Variants in DIXDC1 observed in about 807,000 individuals in gnomAD.
The protein encoded by DIXDC1 is DIX domain containing 1.
A neutral mutation model predicts 103.1 loss-of-function variants in DIXDC1; 64 were observed. The ratio of observed to expected loss-of-function variants is 0.62; its 90% CI spans 0.51 to 0.76. The LOEUF is 0.76. Among genes scored for constraint, DIXDC1 ranks in the 30% least tolerant of loss-of-function variants. DIXDC1 has a pLI of 0.00. For missense variants in DIXDC1, 759 were observed against 834.2 expected (o/e 0.91, Z 1.11); for synonymous variants, 266 against 298.5 (o/e 0.89, Z 1.12).
At chr11:111,974,735 G>A in intron 4 of DIXDC1, 141 bp from the exon 5 acceptor site, 3 of 1,438,620 alleles carry the variant, frequency 2.1e-6, no homozygotes, top group Non-Finnish European at 2.8e-6. Context: ...TCCCTGCTAG[G>A]TACCAAGTGT....
chr11:111,986,865 A>G lies in DIXDC1; in HGVS notation c.1009-6A>G, dbSNP rs781873928. 6.4e-7 allele frequency: 1 copy of G among 1,564,846 alleles called. No individual in the cohort carries two copies. The highest frequency in any genetic ancestry group is 8.7e-7 in the Non-Finnish European group (1 of 1,153,580). On this transcript the variant is annotated splice_region_variant and splice_polypyrimidine_tract_variant and intron_variant, in intron 8 of 19. Transcript: ENST00000440460. ...GCTTAGCCATCTCTGTTTGTCTTAT[A>G]TTCAGATTATAATCCAAAGTCGTCT...
At chr11:111,984,288 G>A (rs1203695645) in intron 7 of DIXDC1, among the ~76,000 whole-genome samples, 1 of 152,180 alleles carries the variant, frequency 6.6e-6, no homozygotes, top group East Asian at 1.9e-4. Flanking sequence ...GGCCACACCT[G>A]TAACCCCAGC....
At chr11:111,943,875 T>G (rs79397517) in intron 1 of DIXDC1, among the ~76,000 whole-genome samples, 1 of 152,114 alleles carries the variant, frequency 6.6e-6, no homozygotes, top group Non-Finnish European at 1.5e-5. Context: ...AAAGAAAAAC[T>G]ATGGGTAAGG....
chr11:111,932,601 AAG>A (rs1966064575), upstream of DIXDC1, among the ~76,000 whole-genome samples: 6 of 151,812 alleles, frequency 4.0e-5, no homozygotes, highest in South Asian at 1.2e-3. Flanking sequence ...AAAAAAAAAA[AAG>A]AAAAAATCAT....
rs782433813 is a variant in DIXDC1 at position 111,976,513 on chromosome 11, G to A, written c.656+1530G>A. Among the ~76,000 whole-genome samples the A allele has an allele frequency of 4.4e-4, 67 of 152,164 alleles. No homozygotes were observed. The highest frequency in any genetic ancestry group is 3.4e-4 in the Non-Finnish European group (23 of 68,030). On this transcript the variant is annotated intron_variant, in intron 5 of 19. Coordinates refer to ENST00000440460, the MANE Select transcript of DIXDC1 (RefSeq NM_001037954.4). The surrounding 1 kb of genome is among the most constrained non-coding windows in gnomAD (Gnocchi z 4.3). ...CTCATCCAGCTCTTTGGCATGCTGGGTTAGTAGCTGCCTTTTCCTCAGTGA... is the reference window on the plus strand; with the variant it reads ...CTCATCCAGCTCTTTGGCATGCTGGATTAGTAGCTGCCTTTTCCTCAGTGA...
chr11:111,992,581 G>C, intron 11 of DIXDC1, 62 bp downstream of exon 11: 2 of 1,401,610 alleles, frequency 1.4e-6, no homozygotes, highest in Non-Finnish European at 2.0e-6. Flanking sequence ...GCTACTGCAC[G>C]AAGAACTATT....
chr11:111,951,389 C>A (rs1966798961), intron 1 of DIXDC1, among the ~76,000 whole-genome samples: 1 of 151,772 alleles, frequency 6.6e-6, no homozygotes, highest in African/African-American at 2.4e-5. Context: ...TGAAGGAAAA[C>A]CCATAAATAT....
At chr11:112,018,016 G>T (rs1861649996) in intron 19 of DIXDC1, 131 bp downstream of exon 19, 1 of 622,488 alleles carries the variant, frequency 1.6e-6, no homozygotes, top group East Asian at 3.0e-5. Context: ...CAGAGCCTCA[G>T]ACCATGGTCT....
At chr11:111,933,424 C>T (rs892936968), upstream of DIXDC1, among the ~76,000 whole-genome samples, 4 of 151,960 alleles carry the variant, frequency 2.6e-5, no homozygotes, top group Admixed American at 1.3e-4. Context: ...CGTGAGCCAC[C>T]GCTCCCGGAC....
intron 1 of DIXDC1, among the ~76,000 whole-genome samples, chr11:111,951,892 G>A (rs1486640787): frequency 6.8e-6 from 1 of 146,712 alleles, no homozygotes; most frequent in African/African-American, 2.5e-5. Context: ...TTGTGATGGA[G>A]TCTCACTCTG....
chr11:111,994,963 C>G, intron 14 of DIXDC1, 56 bp from the exon 15 acceptor site: 1 of 1,491,462 alleles, frequency 6.7e-7, no homozygotes, highest in East Asian at 2.3e-5. Context: ...AATAAGATAG[C>G]ACATCTGGTT....
chr11:111,986,826 T>C, intron 8 of DIXDC1, 45 bp from the exon 9 acceptor site: 1 of 1,536,788 alleles, frequency 6.5e-7, no homozygotes. Flanking sequence ...GGCTCTGTAC[T>C]TCACAGCATA....
At position 111,982,549 on chromosome 11, in the gene DIXDC1, A is replaced by G. The variant is rs1317501004; in HGVS notation, c.918+62A>G. The G allele has an allele frequency of 2.6e-6, 4 of 1,540,322 alleles. No homozygotes were observed. The East Asian group carries it at 9.2e-5, about 35-fold the overall frequency. On this transcript the variant is annotated intron_variant, in intron 7 of 19. Transcript: ENST00000440460. ...AATTGATTATTAAGTCAGTATTATC[A>G]ATGGAAAATAAACTGATTTTAGTTT...
intron 1 of DIXDC1, among the ~76,000 whole-genome samples, chr11:111,941,922 T>C (rs1164767317): frequency 7.0e-6 from 1 of 143,806 alleles, no homozygotes. Flanking sequence ...GGACATAGAG[T>C]GAGTGAGGAA....
intron 1 of DIXDC1, among the ~76,000 whole-genome samples, chr11:111,945,328 G>T (rs1207385441): frequency 6.6e-6 from 1 of 152,182 alleles, no homozygotes; most frequent in African/African-American, 2.4e-5. Context: ...ATTCCTAAAT[G>T]CCAGTTCAGA....
intron 1 of DIXDC1, among the ~76,000 whole-genome samples, chr11:111,942,491 A>G (rs981461090): frequency 3.9e-5 from 6 of 152,216 alleles, no homozygotes; most frequent in Non-Finnish European, 1.5e-5. Context: ...TAGATGTGGT[A>G]AGGCAATAGA....
chr11:111,929,932 GTGAAAAGC>G (rs1489620988), intron 2 of DIXDC1: 9 of 1,532,254 alleles, frequency 5.9e-6, no homozygotes, highest in African/African-American at 2.7e-5. Flanking sequence ...GTGTACTATT[GTGAAAAGC>G]GTGATGATGT....
intron 1 of DIXDC1, chr11:111,928,290 C>A (rs1555167279): frequency 6.6e-6 from 1 of 152,160 alleles, no homozygotes; most frequent in African/African-American, 2.4e-5. Flanking sequence ...TGGCTCACGC[C>A]TGTAATCCCA....
intron 17 of DIXDC1, 83 bp downstream of exon 17, chr11:111,996,229 G>A: frequency 3.1e-6 from 4 of 1,276,088 alleles, no homozygotes; most frequent in Non-Finnish European, 4.3e-6. Flanking sequence ...TTTTGGGGAT[G>A]TAATTTTTCT....
Sources: gnomAD v4.1 joint callset for allele counts (sites outside exome capture counted in the v4.1 genomes callset) on GRCh38, gnomAD v4.1.1 for gene constraint, Gnocchi (gnomAD v3.1) non-coding constraint, MANE v1.5 for transcripts, NCBI Gene and HGNC (gene_info 2026-07-23, HGNC 2026-07-21) for gene names.